CSMD1: variants seen among roughly 807,000 people sequenced by gnomAD.
The protein encoded by CSMD1 is CUB and Sushi multiple domains 1, also known as CUB and sushi domain-containing protein 1.
In CSMD1, 213 loss-of-function variants were observed where a neutral mutation model predicts 417.5. That is an observed-to-expected ratio of 0.51 (90% CI 0.46 to 0.57). The LOEUF is 0.57. CSMD1 is among the 20% of genes least tolerant of loss of function. The probability of loss-of-function intolerance (pLI) is 0.00; values close to 1 mark genes in which losing one functional copy is unlikely to be tolerated. For missense variants in CSMD1, 6,923 were observed against 4,529.7 expected, an observed-to-expected ratio of 1.53 and a Z score of -15.17; for synonymous variants, 2,862 against 1,736.8, an observed-to-expected ratio of 1.65 and a Z score of -16.11.
chr8:4,745,555 C>T (rs1464486929), intron 1 of CSMD1, among the ~76,000 whole-genome samples: 1 of 152,004 alleles, frequency 6.6e-6, no homozygotes, highest in African/African-American at 2.4e-5. Flanking sequence ...TGACTATTCA[C>T]TTATTGAAAT....
intron 7 of CSMD1, among the ~76,000 whole-genome samples, chr8:3,637,145 C>G (rs572025360): frequency 6.6e-6 from 1 of 152,278 alleles, no homozygotes; most frequent in African/African-American, 2.4e-5. Flanking sequence ...TTGTGCTATT[C>G]TGTTATAGCA....
intron 3 of CSMD1, among the ~76,000 whole-genome samples, chr8:4,131,181 A>G (rs897406328): frequency 6.6e-6 from 1 of 152,196 alleles, no homozygotes; most frequent in South Asian, 2.1e-4. Flanking sequence ...GTAGTACATC[A>G]AAAGACTTCA....
chr8:3,718,864 G>C (rs780997986), intron 6 of CSMD1, among the ~76,000 whole-genome samples: 6 of 152,104 alleles, frequency 3.9e-5, no homozygotes, highest in African/African-American at 1.2e-4. Context: ...GGAATTTAAA[G>C]ATTGTTTTAC....
At chr8:4,873,228 GGAATTTTGCAGA>G (rs1802838897) in intron 1 of CSMD1, among the ~76,000 whole-genome samples, 1 of 151,952 alleles carries the variant, frequency 6.6e-6, no homozygotes. Context: ...TTTGGTGGTG[GGAATTTTGCAGA>G]GGTTTGAAAT....
chr8:4,049,065 C>G (rs1297044160), intron 3 of CSMD1, among the ~76,000 whole-genome samples: 1 of 152,192 alleles, frequency 6.6e-6, no homozygotes, highest in Non-Finnish European at 1.5e-5. Flanking sequence ...ACAGTCCTTT[C>G]ATGGTTAGGA....
chr8:3,611,669 T>A (rs1801901188), intron 8 of CSMD1, among the ~76,000 whole-genome samples: 1 of 152,106 alleles, frequency 6.6e-6, no homozygotes, highest in Non-Finnish European at 1.5e-5. Flanking sequence ...GTTTGACAGT[T>A]TTTCAATGCT....
rs142373476 is a variant in CSMD1, at chr8:3,515,541, G to C, written c.1345-21815C>G. On this transcript the variant is annotated intron_variant, in intron 10 of 69. Coordinates refer to ENST00000635120, the MANE Select transcript of CSMD1 (RefSeq NM_033225.6). ...GGTTGGCAACTGTTCAGGAGAATGA[G>C]AAAGCAGGACATGCTCTCCCATTGC... Among the ~76,000 whole-genome samples, 100 of 152,300 alleles carry C rather than the reference G, an allele frequency of 6.6e-4. No homozygotes were observed. The East Asian group carries it at 0.018, about 27-fold the overall frequency.
intron 1 of CSMD1, among the ~76,000 whole-genome samples, chr8:4,839,549 G>T (rs760543290): frequency 6.6e-6 from 1 of 152,176 alleles, no homozygotes; most frequent in Non-Finnish European, 1.5e-5. Flanking sequence ...CACAAGAATG[G>T]ACCACTAAAA....
intron 1 of CSMD1, among the ~76,000 whole-genome samples, chr8:4,761,270 G>T (rs1812023637): frequency 6.6e-6 from 1 of 152,036 alleles, no homozygotes; most frequent in Non-Finnish European, 1.5e-5. Flanking sequence ...GAACAGGAAA[G>T]CATGGTCAGT....
intron 4 of CSMD1, among the ~76,000 whole-genome samples, chr8:4,005,188 G>A (rs1816014033): frequency 6.6e-6 from 1 of 152,110 alleles, no homozygotes; most frequent in South Asian, 2.1e-4. Flanking sequence ...ATGATGCAGT[G>A]CATACTGCAC....
chr8:4,401,325 G>C (rs1804630740), intron 3 of CSMD1, among the ~76,000 whole-genome samples: 2 of 152,142 alleles, frequency 1.3e-5, no homozygotes, highest in Non-Finnish European at 2.9e-5. Flanking sequence ...ATAAAATTAA[G>C]TGTGCTCCAA....
intron 10 of CSMD1, among the ~76,000 whole-genome samples, chr8:3,503,721 T>C (rs1796702959): frequency 6.6e-6 from 1 of 152,156 alleles, no homozygotes; most frequent in Non-Finnish European, 1.5e-5. Context: ...TGGAAAGGAT[T>C]CCTGAGAAGA....
At chr8:4,835,495 C>G (rs753357800) in intron 1 of CSMD1, among the ~76,000 whole-genome samples, 1 of 152,094 alleles carries the variant, frequency 6.6e-6, no homozygotes, top group Non-Finnish European at 1.5e-5. Context: ...TTTGAGATGC[C>G]TGTGAAACAA....
chr8:4,747,012 G>A (rs945945933), intron 1 of CSMD1, among the ~76,000 whole-genome samples: 7 of 152,158 alleles, frequency 4.6e-5, no homozygotes, highest in Admixed American at 4.6e-4. Flanking sequence ...TGAGAAGGCG[G>A]TTCAGAGAAG....
Position 4,003,654 on chromosome 8 carries a change from G to T in CSMD1, c.611-5544C>A, listed in dbSNP as rs187541466. ...ATAAATTCTGAAAATACATAAATAC[G>T]AAGAGTAAAACTGATCTAGTTGTAT... On this transcript the variant is annotated intron_variant, in intron 4 of 69. Transcript: ENST00000635120. Among the ~76,000 whole-genome samples, 12 of 152,074 alleles carry T rather than the reference G, an allele frequency of 7.9e-5. No homozygotes were observed. The East Asian group carries it at 1.7e-3, about 22-fold the overall frequency.
At chr8:4,845,286 G>C (rs1253972290) in intron 1 of CSMD1, among the ~76,000 whole-genome samples, 2 of 152,102 alleles carry the variant, frequency 1.3e-5, no homozygotes, top group African/African-American at 4.8e-5. Context: ...TTTCGATTTA[G>C]AAAACGAACA....
intron 1 of CSMD1, among the ~76,000 whole-genome samples, chr8:4,906,768 C>G (rs541404781): frequency 6.6e-6 from 1 of 152,162 alleles, no homozygotes; most frequent in Non-Finnish European, 1.5e-5. Flanking sequence ...CCATGCTGGC[C>G]AGGTTGGTCT....
At chr8:3,514,898 G>C (rs561981239) in intron 10 of CSMD1, among the ~76,000 whole-genome samples, 2 of 152,042 alleles carry the variant, frequency 1.3e-5, no homozygotes, top group African/African-American at 2.4e-5. Context: ...TTTTATTATT[G>C]TTTATATCTA....
At chr8:3,696,279 T>C (rs566727733) in intron 7 of CSMD1, among the ~76,000 whole-genome samples, 2 of 152,336 alleles carry the variant, frequency 1.3e-5, no homozygotes, top group African/African-American at 2.4e-5. Context: ...CTAATAATAA[T>C]AATATGCAGT....
Sources: gnomAD v4.1 joint callset for allele counts (sites outside exome capture counted in the v4.1 genomes callset) on GRCh38, gnomAD v4.1.1 for gene constraint, MANE v1.5 for transcripts, NCBI Gene and HGNC (gene_info 2026-07-23, HGNC 2026-07-21) for gene names.